The following MYO3B variants were observed in gnomAD, a reference collection of about 807,000 sequenced individuals.
MYO3B encodes the protein myosin-IIIb.
Under a neutral mutation model 174.6 loss-of-function variants are expected in MYO3B, and 156 were observed. That is an observed-to-expected ratio of 0.89 (90% CI 0.78 to 1.02). The LOEUF (loss-of-function observed/expected upper bound fraction) is 1.02, where lower values mean the gene tolerates loss of function less well. MYO3B is among the 50% of genes least tolerant of loss of function. The pLI is 0.00. For synonymous variants in MYO3B, 563 were observed against 569.1 expected (o/e 0.99, Z 0.15); for missense variants, 1,632 against 1,639.4 (o/e 1.00, Z 0.08).
chr2:170,610,162 C>T (rs7605848), intron 32 of MYO3B, among the ~76,000 whole-genome samples: 40,287 of 151,974 alleles, frequency 0.27, 6,595 homozygotes, highest in East Asian at 0.48. Context: ...CAGTGAAACC[C>T]CATCTCTACT....
At chr2:170,211,065 G>C (rs923253221) in intron 3 of MYO3B, among the ~76,000 whole-genome samples, 6 of 152,174 alleles carry the variant, frequency 3.9e-5, no homozygotes, top group Admixed American at 3.9e-4. Context: ...GGCAAAATCA[G>C]AGTTTGAGAG....
intron 13 of MYO3B, 91 bp downstream of exon 13, chr2:170,386,363 T>C: frequency 9.1e-7 from 1 of 1,093,412 alleles, no homozygotes; most frequent in Non-Finnish European, 1.3e-6. Context: ...GGGTTTTTTT[T>C]ATTAAGGCTT....
intron 32 of MYO3B, among the ~76,000 whole-genome samples, chr2:170,622,323 A>G (rs1695992409): frequency 6.6e-6 from 1 of 152,220 alleles, no homozygotes; most frequent in Non-Finnish European, 1.5e-5. Context: ...AATATCCTCA[A>G]TTAGTGCTTA....
At chr2:170,439,433 A>T (rs2094782890) in intron 22 of MYO3B, among the ~76,000 whole-genome samples, 1 of 152,016 alleles carries the variant, frequency 6.6e-6, no homozygotes, top group African/African-American at 2.4e-5. Flanking sequence ...GAGTTGTAGG[A>T]GTTCCTTATA....
chr2:170,185,423 G>C (rs1334885675), intron 1 of MYO3B, among the ~76,000 whole-genome samples: 1 of 152,072 alleles, frequency 6.6e-6, no homozygotes, highest in Non-Finnish European at 1.5e-5. Flanking sequence ...ATGTATGTTT[G>C]TGGCAGCTTT....
At chr2:170,384,780 C>T (rs1371714885) in intron 12 of MYO3B, among the ~76,000 whole-genome samples, 2 of 152,176 alleles carry the variant, frequency 1.3e-5, no homozygotes, top group Non-Finnish European at 2.9e-5. Flanking sequence ...TTTTTTCCAG[C>T]ATGAACCAAT....
chr2:170,221,562 A>G (rs1273023083), intron 6 of MYO3B, among the ~76,000 whole-genome samples: 2 of 152,060 alleles, frequency 1.3e-5, no homozygotes, highest in Non-Finnish European at 2.9e-5. Flanking sequence ...TTCTCTTACT[A>G]CCTCATTTGG....
chr2:170,581,072 C>T, intron 32 of MYO3B, among the ~76,000 whole-genome samples: 1 of 152,180 alleles, frequency 6.6e-6, no homozygotes, highest in Non-Finnish European at 1.5e-5. Flanking sequence ...ACAGGATGCA[C>T]ATCTACCATT....
intron 30 of MYO3B, among the ~76,000 whole-genome samples, chr2:170,538,658 G>C (rs1689881178): frequency 6.6e-6 from 1 of 152,162 alleles, no homozygotes; most frequent in East Asian, 1.9e-4. Flanking sequence ...GCTTTTTCAG[G>C]ACAGATGCCC....
At chr2:170,221,498 C>A (rs936035603) in intron 6 of MYO3B, among the ~76,000 whole-genome samples, 1 of 152,080 alleles carries the variant, frequency 6.6e-6, no homozygotes, top group East Asian at 1.9e-4. Flanking sequence ...CACTGGGGCA[C>A]CTCAAAGCTG....
intron 16 of MYO3B, among the ~76,000 whole-genome samples, chr2:170,395,239 T>C (rs2094436647): frequency 1.3e-5 from 2 of 152,238 alleles, no homozygotes; most frequent in African/African-American, 2.4e-5. Context: ...TAAGACCTTA[T>C]TGTGAAGATT....
chr2:170,558,217 T>C (rs939426143), intron 32 of MYO3B, among the ~76,000 whole-genome samples: 8 of 151,254 alleles, frequency 5.3e-5, no homozygotes, highest in South Asian at 2.1e-4. Context: ...AGGAGAATGG[T>C]GTGAACCCGG....
chr2:170,230,029 G>A (rs2092996757), intron 6 of MYO3B, among the ~76,000 whole-genome samples: 1 of 152,074 alleles, frequency 6.6e-6, no homozygotes, highest in African/African-American at 2.4e-5. Context: ...CACTGGAATA[G>A]TTATACTGTA....
intron 32 of MYO3B, among the ~76,000 whole-genome samples, chr2:170,639,540 C>A (rs1209937397): frequency 2.6e-5 from 4 of 152,162 alleles, no homozygotes; most frequent in African/African-American, 4.8e-5. Context: ...TAGAAAGATG[C>A]TACATGATGC....
chr2:170,300,506 A>C (rs1446547395), intron 7 of MYO3B, among the ~76,000 whole-genome samples: 1 of 152,116 alleles, frequency 6.6e-6, no homozygotes, highest in African/African-American at 2.4e-5. Context: ...TGTGGATAGC[A>C]CTGGTCTCCC....
At chr2:170,189,415 C>T (rs1388751993) in intron 1 of MYO3B, among the ~76,000 whole-genome samples, 1 of 151,908 alleles carries the variant, frequency 6.6e-6, no homozygotes, top group East Asian at 1.9e-4. Context: ...AAACATTCTA[C>T]CCCTTTCTCT....
At chr2:170,501,678 A>C in intron 27 of MYO3B, 107 bp from the exon 28 acceptor site, 1 of 690,534 alleles carries the variant, frequency 1.4e-6, no homozygotes, top group Non-Finnish European at 2.6e-6. Context: ...AGAAAGCAGG[A>C]GGGAGGATGA....
chr2:170,556,466 G>A (rs1371671751), intron 32 of MYO3B, among the ~76,000 whole-genome samples: 1 of 152,110 alleles, frequency 6.6e-6, no homozygotes, highest in East Asian at 1.9e-4. Context: ...CAATGAGTGA[G>A]AGTTCCTGTT....
At chr2:170,246,253 T>C (rs1325874375) in intron 7 of MYO3B, among the ~76,000 whole-genome samples, 1 of 152,044 alleles carries the variant, frequency 6.6e-6, no homozygotes, top group Non-Finnish European at 1.5e-5. Flanking sequence ...AATTGAGAAA[T>C]GAGAGATGAT....
Sources: allele counts gnomAD v4.1 joint callset (sites outside exome capture counted in the v4.1 genomes callset), GRCh38; gene constraint gnomAD v4.1.1; transcripts MANE v1.5; gene names NCBI Gene and HGNC (gene_info 2026-07-23, HGNC 2026-07-21).